PLCE1: variants seen among roughly 807,000 people sequenced by gnomAD.
PLCE1 encodes the protein phospholipase C epsilon 1.
Under a neutral mutation model 242.8 loss-of-function variants are expected in PLCE1, and 119 were observed. The ratio of observed to expected loss-of-function variants is 0.49; its 90% confidence interval spans 0.42 to 0.57. The LOEUF (loss-of-function observed/expected upper bound fraction) is 0.57, where lower values mean the gene tolerates loss of function less well. Among genes scored for constraint, PLCE1 ranks in the 20% least tolerant of loss-of-function variants. The pLI is 0.00. For missense variants in PLCE1, 2,441 were observed against 2,788.8 expected (o/e 0.88, Z 2.81); for synonymous variants, 945 against 1,017.4 (o/e 0.93, Z 1.35).
At chr10:94,211,142 C>T (rs940058522) in intron 4 of PLCE1, among the ~76,000 whole-genome samples, 2 of 152,244 alleles carry the variant, frequency 1.3e-5, no homozygotes, top group Admixed American at 6.5e-5. Flanking sequence ...CCTTTTGTTC[C>T]TTGGCTTTTG....
Position 94,324,376 on chromosome 10 carries a change from A to T in PLCE1, c.6529A>T (p.Ser2177Cys), listed in dbSNP as rs373010369. 1.2e-6 allele frequency: 2 copies of T among 1,614,164 alleles called. No homozygotes were observed. Among genetic ancestry groups the T allele is most frequent in the Non-Finnish European group, 1.7e-6 (2 of 1,180,018 alleles). ...CTTATGCAAAGCCAAATATTCCTACAGCATCCTGAGCAACCCCAATCCAAG... is the reference window on the plus strand; with the variant it reads ...CTTATGCAAAGCCAAATATTCCTACTGCATCCTGAGCAACCCCAATCCAAG... The part of the protein sequence containing the change: ...QTLCKAKYSY[S>C]ILSNPNPSDY... Residue 2177 changes from serine (S) to cysteine (C), a missense_variant, in exon 31 of 33, where the codon AGC becomes TGC. Physicochemically the swap from Ser to Cys is moderately radical, Grantham distance 112. Around this residue, in one of 5 missense-constraint regions of PLCE1, gnomAD observed 310 missense variants for 317.2 expected, o/e 0.98. Transcript: ENST00000371380.
intron 20 of PLCE1, chr10:94,280,148 A>G: frequency 1.8e-6 from 1 of 543,998 alleles, no homozygotes; most frequent in Non-Finnish European, 3.3e-6. Context: ...CATTCCTACG[A>G]CAAGTTTCTA....
chr10:94,052,735 GAATA>G (rs2043799659), intron 2 of PLCE1, among the ~76,000 whole-genome samples: 2 of 152,048 alleles, frequency 1.3e-5, no homozygotes, highest in South Asian at 4.1e-4. Context: ...ATGGCTTTGG[GAATA>G]AAGGTAGTGA....
At chr10:94,049,735 A>G (rs2043710438) in intron 2 of PLCE1, among the ~76,000 whole-genome samples, 1 of 152,194 alleles carries the variant, frequency 6.6e-6, no homozygotes, top group Non-Finnish European at 1.5e-5. Context: ...CAACAAATGG[A>G]ATATTAGCAC....
At chr10:94,033,849 C>T (rs2061611415) in intron 2 of PLCE1, among the ~76,000 whole-genome samples, 1 of 152,112 alleles carries the variant, frequency 6.6e-6, no homozygotes, top group Non-Finnish European at 1.5e-5. Context: ...GAAATAAGCA[C>T]CTGGTCTAGA....
Position 94,031,078 on chromosome 10 carries a change from T to A in PLCE1, c.32T>A (p.Leu11His). 1 of 1,613,750 alleles carries A rather than the reference T, an allele frequency of 6.2e-7. No individual in the cohort carries two copies. Among genetic ancestry groups the A allele is most frequent in the Admixed American group, 1.7e-5 (1 of 59,986 alleles). Residue 11 changes from leucine to histidine, a missense_variant, in exon 2 of 33, where the codon CTC (leucine) becomes CAC (histidine). Physicochemically the swap from Leu to His is moderately conservative, Grantham distance 99. This residue lies in a region of PLCE1 where 393 missense variants were observed against 378.5 expected (regional missense o/e 1.04). Coordinates refer to ENST00000371380, the MANE Select transcript of PLCE1 (RefSeq NM_016341.4). ...TCTGAAGAAATGACAGCTTCTGTTC[T>A]CATACCTGTGACTCAGAGAAAAGTG... MTSEEMTASV[L>H]IPVTQRKVVS...
At chr10:94,187,485 G>T (rs532827381) in intron 4 of PLCE1, among the ~76,000 whole-genome samples, 1 of 152,262 alleles carries the variant, frequency 6.6e-6, no homozygotes, top group Non-Finnish European at 1.5e-5. Context: ...CCCTCAGAAT[G>T]AGTATTTCAT....
chr10:94,293,602 A>G lies in PLCE1; in HGVS notation c.5130A>G (p.Pro1710=). 3 of 1,614,032 alleles carry G rather than the reference A, an allele frequency of 1.9e-6. No individual in the cohort carries two copies. Among genetic ancestry groups the G allele is most frequent in the Non-Finnish European group, 2.5e-6 (3 of 1,179,900 alleles). The change falls in exon 23 of 33, where the codon CCA becomes CCG. Residue 1710 remains proline (P), a synonymous_variant. Coordinates refer to ENST00000371380, the MANE Select transcript of PLCE1 (RefSeq NM_016341.4). The part of the protein sequence containing the change: ...IFGNNPGRMS[P]GETASFNKTS... The stretch of plus-strand genomic sequence containing the variant: ...GCAACAATCCGGGCAGAATGAGCCC[A>G]GGGGAGACAGCATCATTTAACAAAA...
intron 2 of PLCE1, among the ~76,000 whole-genome samples, chr10:94,060,804 C>T (rs1343162785): frequency 6.6e-6 from 1 of 151,714 alleles, no homozygotes; most frequent in East Asian, 1.9e-4. Flanking sequence ...TCAAGTAGTC[C>T]TCCTACCTCA....
chr10:94,295,131 TG>T (rs1401710064), intron 23 of PLCE1, among the ~76,000 whole-genome samples: 5 of 151,762 alleles, frequency 3.3e-5, no homozygotes, highest in African/African-American at 7.3e-5. Context: ...TTAGCCAGGG[TG>T]GTCTCGATCT....
intron 3 of PLCE1, among the ~76,000 whole-genome samples, chr10:94,165,565 T>C (rs1280816509): frequency 1.3e-5 from 2 of 152,148 alleles, no homozygotes; most frequent in Non-Finnish European, 2.9e-5. Flanking sequence ...CACCCCCCTC[T>C]AATTTTAGCT....
intron 1 of PLCE1, among the ~76,000 whole-genome samples, chr10:94,001,191 T>C (rs1451715369): frequency 6.6e-6 from 1 of 152,178 alleles, no homozygotes; most frequent in African/African-American, 2.4e-5. Context: ...GGGTGCCTAA[T>C]CTTGACAGGG....
chr10:94,246,168 C>T lies in PLCE1; in HGVS notation c.2643C>T (p.Phe881=). 2 of 1,614,158 alleles carry T rather than the reference C, an allele frequency of 1.2e-6. No homozygotes were observed. Among genetic ancestry groups the T allele is most frequent in the Non-Finnish European group, 1.7e-6 (2 of 1,180,004 alleles). ...DQDTHLSARC[F]LQLQPDNSTL... is the part of the protein sequence containing the mutation. ...ACACACACCTCTCTGCCCGCTGCTT[C>T]CTCCAGCTTCAGCCCGACAATAGCA... Residue 881 remains phenylalanine (F), a synonymous_variant, in exon 8 of 33, where the codon TTC becomes TTT. Transcript: ENST00000371380.
In PLCE1 at chr10:94,246,187, A is replaced by C. The variant is rs1263314743; in HGVS notation, c.2662A>C (p.Asn888His). The change falls in exon 8 of 33, where the codon AAT (asparagine) becomes CAT (histidine). Residue 888 changes from asparagine (N) to histidine (H), a missense_variant. Physicochemically the swap from Asn to His is moderately conservative, Grantham distance 68. Coordinates refer to ENST00000371380, the MANE Select transcript of PLCE1 (RefSeq NM_016341.4). ...ARCFLQLQPDNSTLTWVKPTT... is the reference protein window; with the variant it reads ...ARCFLQLQPDHSTLTWVKPTT... ...CTGCTTCCTCCAGCTTCAGCCCGAC[A>C]ATAGCACCTTGACCTGGGTAAAGCC... The C allele has an allele frequency of 6.2e-7, 1 of 1,614,104 alleles. No homozygotes were observed. Among genetic ancestry groups the C allele is most frequent in the South Asian group, 1.1e-5 (1 of 91,078 alleles).
chr10:94,082,301 A>G (rs1384222267), intron 2 of PLCE1: 1 of 152,250 alleles, frequency 6.6e-6, no homozygotes, highest in Non-Finnish European at 1.5e-5. Flanking sequence ...GTCATTGGCT[A>G]GAGTTTGGCC....
At chr10:94,075,251 C>T (rs1564665634) in intron 2 of PLCE1, among the ~76,000 whole-genome samples, 1 of 152,208 alleles carries the variant, frequency 6.6e-6, no homozygotes, top group Non-Finnish European at 1.5e-5. Context: ...AGACTGGGAG[C>T]TCCTTGAGGG....
chr10:94,285,680 C>T (rs1419650766), intron 22 of PLCE1, among the ~76,000 whole-genome samples: 1 of 152,158 alleles, frequency 6.6e-6, no homozygotes, highest in Non-Finnish European at 1.5e-5. Flanking sequence ...CATTGTTTCT[C>T]ATTGGGTCCT....
intron 4 of PLCE1, among the ~76,000 whole-genome samples, chr10:94,191,532 C>T (rs2048666921): frequency 1.3e-5 from 2 of 152,012 alleles, no homozygotes; most frequent in East Asian, 3.9e-4. Flanking sequence ...CCCAGCTATT[C>T]AGGGAGCCTG....
rs2044356547 is a variant in PLCE1 at position 94,071,499 on chromosome 10, T to TTTTTTTTGTTTTTTTTTTTG, written c.1206+39254_1206+39255insGTTTTTTTTTTTGTTTTTTT. Among the ~76,000 whole-genome samples the TTTTTTTTGTTTTTTTTTTTG allele has an allele frequency of 3.1e-5, 4 of 129,814 alleles. 1 individual carries two copies. Among genetic ancestry groups the TTTTTTTTGTTTTTTTTTTTG allele is most frequent in the African/African-American group, 1.3e-4 (4 of 30,538 alleles). The allele number at this position is 129,814 out of a possible 152,430, so 85.2% of individuals were successfully genotyped here. A position where few individuals can be genotyped will look rare whatever the true frequency, so the allele number is the denominator to read the frequency against. On this transcript the variant is annotated intron_variant, in intron 2 of 32. Coordinates refer to ENST00000371380, the MANE Select transcript of PLCE1 (RefSeq NM_016341.4). Reference sequence around the variant, plus strand: ...GTGTGTGTGTGTTTGGTTTTCGTTTTTTTTTTTTTTTTTTTTTGAGTCACT... The same window carrying TTTTTTTTGTTTTTTTTTTTG: ...GTGTGTGTGTGTTTGGTTTTCGTTTTTTTTTTTGTTTTTTTTTTTGTTTTTTTTTTTTTTTTTGAGTCACT...
Sources: allele counts gnomAD v4.1 joint callset (sites outside exome capture counted in the v4.1 genomes callset), GRCh38; gene constraint gnomAD v4.1.1; regional missense constraint gnomAD v4.1.1; transcripts MANE v1.5; gene names NCBI Gene and HGNC (gene_info 2026-07-23, HGNC 2026-07-21).